The following MYPN variants were observed in gnomAD, a reference collection of about 807,000 sequenced individuals.
MYPN encodes myopalladin.
A neutral mutation model predicts 129.4 loss-of-function variants in MYPN; 63 were observed. The ratio of observed to expected loss-of-function variants is 0.49; its 90% CI spans 0.40 to 0.60. The LOEUF (loss-of-function observed/expected upper bound fraction) is 0.60. Ranked by LOEUF, MYPN falls within the 20% of genes least tolerant of loss-of-function variation. The pLI, the probability that MYPN is intolerant of heterozygous loss-of-function variation, is 0.00. For synonymous variants in MYPN, 629 were observed against 600.9 expected (o/e 1.05, Z -0.68); for missense variants, 1,596 against 1,635.4 (o/e 0.98, Z 0.42).
rs557324349 is a variant in MYPN, at chr10:68,199,331, A to G, written c.3286-37A>G. 7 of 1,595,166 alleles carry G rather than the reference A, an allele frequency of 4.4e-6. No homozygotes were observed. In the South Asian group the frequency reaches 6.6e-5, roughly 15 times the overall value. ...CAGCCATCAAATAAATGTGCCTGTCATCAGTCATGTGCCTCAGCTGTTCTG... is the reference window on the plus strand; with the variant it reads ...CAGCCATCAAATAAATGTGCCTGTCGTCAGTCATGTGCCTCAGCTGTTCTG... On this transcript the variant is annotated intron_variant, in intron 16 of 19. Transcript: ENST00000358913.
At position 68,145,919 on chromosome 10, in the gene MYPN, C is replaced by G. The variant is rs191608504; in HGVS notation, c.1130+393C>G. Among the ~76,000 whole-genome samples the G allele has an allele frequency of 7.9e-5, 12 of 152,240 alleles. No individual in the cohort carries two copies. The East Asian group carries it at 2.3e-3, about 29-fold the overall frequency. On this transcript the variant is annotated intron_variant, in intron 4 of 19. Coordinates refer to ENST00000358913, the MANE Select transcript of MYPN (RefSeq NM_032578.4). ...CATTCTCGTGGCCTTGAGTCAACTCCTCCTTCTCTCCTGCCTTTTATGCCA... is the reference window on the plus strand; with the variant it reads ...CATTCTCGTGGCCTTGAGTCAACTCGTCCTTCTCTCCTGCCTTTTATGCCA...
upstream of MYPN, chr10:68,106,549 T>C (rs1377648045): frequency 1.3e-5 from 9 of 672,760 alleles, no homozygotes; most frequent in Non-Finnish European, 2.4e-5. Context: ...GAGGTTTTGT[T>C]TAGTTTTTTC....
At position 68,158,480 on chromosome 10, in the gene MYPN, T is replaced by C. The variant is rs1362864653; in HGVS notation, c.1318-6T>C. Reference sequence around the variant, plus strand: ...TGTTCTAACTACATTCTTCTTATCATTATAGATGCTACAAAATTTGTCAGC... The same window carrying C: ...TGTTCTAACTACATTCTTCTTATCACTATAGATGCTACAAAATTTGTCAGC... On this transcript the variant is annotated splice_polypyrimidine_tract_variant and splice_region_variant and intron_variant, in intron 6 of 19. Transcript: ENST00000358913. The C allele has an allele frequency of 2.5e-6, 4 of 1,613,228 alleles. No homozygotes were observed. The highest frequency in any genetic ancestry group is 1.6e-4 in the Middle Eastern group (1 of 6,062).
chr10:68,188,099 A>AT (rs1360751810), intron 12 of MYPN, among the ~76,000 whole-genome samples: 3 of 151,806 alleles, frequency 2.0e-5, no homozygotes, highest in South Asian at 2.1e-4. Flanking sequence ...GTTAAGAGAG[A>AT]TTTTTTTCTT....
intron 2 of MYPN, among the ~76,000 whole-genome samples, chr10:68,142,555 C>T (rs532169980): frequency 6.6e-6 from 1 of 152,254 alleles, no homozygotes; most frequent in Admixed American, 6.5e-5. Flanking sequence ...CTGTACGAAC[C>T]TGTATTATCT....
chr10:68,129,264 C>A (rs2042373384), intron 2 of MYPN, among the ~76,000 whole-genome samples: 1 of 152,092 alleles, frequency 6.6e-6, no homozygotes, highest in African/African-American at 2.4e-5. Flanking sequence ...TTGTTCTAGT[C>A]TCTCTATGTA....
In MYPN at chr10:68,201,914, C is replaced by T; in HGVS notation, c.3579C>T (p.Cys1193=). The change falls in exon 18 of 20, where the codon TGC becomes TGT. Residue 1193 remains cysteine, a synonymous_variant. Transcript: ENST00000358913. ...VPEGHPVRLE[C]RVIGMPPPVF... ...AAGGCCACCCCGTGAGACTGGAGTG[C>T]CGCGTGATAGGCATGCCCCCACCTG... The T allele has an allele frequency of 1.9e-6, 3 of 1,614,130 alleles. No homozygotes were observed. The highest frequency in any genetic ancestry group is 1.7e-6 in the Non-Finnish European group (2 of 1,180,020).
intron 13 of MYPN, among the ~76,000 whole-genome samples, chr10:68,191,457 A>G (rs887116632): frequency 2.0e-5 from 3 of 152,038 alleles, no homozygotes; most frequent in African/African-American, 7.2e-5. Flanking sequence ...GCCTCAAGTG[A>G]TCTGCTCACC....
chr10:68,172,961 T>C (rs2043165199), intron 10 of MYPN, among the ~76,000 whole-genome samples: 1 of 152,150 alleles, frequency 6.6e-6, no homozygotes, highest in Non-Finnish European at 1.5e-5. Flanking sequence ...TGGTCCCAGC[T>C]ACTTGGGAGG....
At chr10:68,196,227 T>C (rs1006445337) in intron 15 of MYPN, among the ~76,000 whole-genome samples, 4 of 152,230 alleles carry the variant, frequency 2.6e-5, no homozygotes, top group African/African-American at 9.6e-5. Context: ...CCTTTAATGA[T>C]TGAATGTATA....
intron 12 of MYPN, among the ~76,000 whole-genome samples, chr10:68,178,328 G>A (rs1369082280): frequency 6.6e-6 from 1 of 152,160 alleles, no homozygotes; most frequent in Non-Finnish European, 1.5e-5. Context: ...TTGCTATTTT[G>A]AAGAGTACCA....
At chr10:68,148,261 G>C in intron 4 of MYPN, 92 bp from the exon 5 acceptor site, 1 of 1,017,452 alleles carries the variant, frequency 9.8e-7, no homozygotes, top group Non-Finnish European at 1.5e-6. Context: ...ACACTCACCT[G>C]TAAGCAGTGA....
Position 68,158,816 on chromosome 10 carries a change from G to C in MYPN, c.1459+189G>C, listed in dbSNP as rs141988263. Among the ~76,000 whole-genome samples, 6 of 152,058 alleles carry C rather than the reference G, an allele frequency of 3.9e-5. No homozygotes were observed. The East Asian group carries it at 1.2e-3, about 29-fold the overall frequency. ...AATTTTTCCATGCATAGTTTTTAAA[G>C]AAAAGCATCATATTCTTTTTTGTAA... On this transcript the variant is annotated intron_variant, in intron 7 of 19. Coordinates refer to ENST00000358913, the MANE Select transcript of MYPN (RefSeq NM_032578.4).
chr10:68,175,895 C>T (rs1264797346), intron 12 of MYPN, among the ~76,000 whole-genome samples: 1 of 152,134 alleles, frequency 6.6e-6, no homozygotes, highest in Non-Finnish European at 1.5e-5. Context: ...GCTGAGACTA[C>T]AGGCCCAGCT....
At chr10:68,148,714 T>A (rs1458341096) in intron 5 of MYPN, among the ~76,000 whole-genome samples, 1 of 152,204 alleles carries the variant, frequency 6.6e-6, no homozygotes, top group African/African-American at 2.4e-5. Context: ...TTTTCAGCTT[T>A]ATAAAGGGTG....
intron 1 of MYPN, among the ~76,000 whole-genome samples, chr10:68,090,351 G>A (rs2041925238): frequency 6.6e-6 from 1 of 152,084 alleles, no homozygotes; most frequent in South Asian, 2.1e-4. Context: ...TTTTAGTAGA[G>A]ATGGGGTTTC....
intron 14 of MYPN, among the ~76,000 whole-genome samples, chr10:68,194,905 A>C (rs550222853): frequency 1.2e-3 from 185 of 152,360 alleles, no homozygotes; most frequent in Non-Finnish European, 2.4e-3. Flanking sequence ...AAGGTTTGTG[A>C]ATATCCCTCA....
intron 8 of MYPN, among the ~76,000 whole-genome samples, chr10:68,164,285 G>A (rs531276522): frequency 4.5e-4 from 69 of 152,328 alleles, no homozygotes; most frequent in Non-Finnish European, 8.2e-4. Context: ...GAGCAAATGC[G>A]CAAGAGAAGG....
At chr10:68,113,399 T>A (rs2042108006) in intron 1 of MYPN, among the ~76,000 whole-genome samples, 1 of 152,142 alleles carries the variant, frequency 6.6e-6, no homozygotes, top group Non-Finnish European at 1.5e-5. Context: ...TAGAGCAGTG[T>A]TTAAAGACAC....
Sources: allele counts gnomAD v4.1 joint callset (sites outside exome capture counted in the v4.1 genomes callset), GRCh38; gene constraint gnomAD v4.1.1; transcripts MANE v1.5; gene names NCBI Gene and HGNC (gene_info 2026-07-23, HGNC 2026-07-21).